The following ARHGAP6 variants were observed in gnomAD, a reference collection of about 807,000 sequenced individuals.
ARHGAP6 encodes rho GTPase-activating protein 6.
In ARHGAP6, 16 loss-of-function variants were observed where a neutral mutation model predicts 55.7. That is an observed-to-expected ratio of 0.29 (90% CI 0.19 to 0.44). The LOEUF is 0.44. Among genes scored for constraint, ARHGAP6 ranks in the 20% least tolerant of loss-of-function variants. The pLI is 1.00. For missense variants in ARHGAP6, 698 were observed against 808.9 expected, an observed-to-expected ratio of 0.86 and a Z score of 1.66; for synonymous variants, 382 against 360.9, an observed-to-expected ratio of 1.06 and a Z score of -0.66.
intron 1 of ARHGAP6, among the ~76,000 whole-genome samples, chrX:11,354,840 A>T (rs1473879960): frequency 8.9e-6 from 1 of 111,784 alleles, no homozygotes; most frequent in African/African-American, 3.3e-5. Context: ...TCAGAAACTT[A>T]CATAAAAGCA....
At chrX:11,340,455 T>C (rs1396936482) in intron 1 of ARHGAP6, among the ~76,000 whole-genome samples, 2 of 111,811 alleles carry the variant, frequency 1.8e-5, no homozygotes, top group African/African-American at 3.3e-5. Flanking sequence ...TTCGGCCGGG[T>C]GCAGTGGCTC....
intron 1 of ARHGAP6, among the ~76,000 whole-genome samples, chrX:11,344,332 C>T (rs112028688): frequency 0.058 from 6,402 of 110,789 alleles, 209 homozygotes; most frequent in African/African-American, 0.12. Context: ...AACCACTGGT[C>T]GGTCCATTGG....
intron 1 of ARHGAP6, among the ~76,000 whole-genome samples, chrX:11,608,878 A>C (rs1018667903): frequency 2.7e-5 from 3 of 111,039 alleles, no homozygotes; most frequent in Non-Finnish European, 5.7e-5. Flanking sequence ...AATTAAACCT[A>C]TTTTTCTTCC....
chrX:11,662,008 T>C (rs2052708245), intron 1 of ARHGAP6, among the ~76,000 whole-genome samples: 2 of 111,994 alleles, frequency 1.8e-5, no homozygotes, highest in Admixed American at 1.9e-4. Flanking sequence ...CAAATGTCAA[T>C]AGTGCCAAGG....
At chrX:11,562,775 A>G (rs751741964) in intron 1 of ARHGAP6, among the ~76,000 whole-genome samples, 4 of 111,800 alleles carry the variant, frequency 3.6e-5, no homozygotes, top group Non-Finnish European at 5.6e-5. Context: ...TCTGGCTCCC[A>G]CCTTTGAAAC....
chrX:11,211,651 CT>C (rs2046803954), intron 2 of ARHGAP6, among the ~76,000 whole-genome samples: 1 of 111,065 alleles, frequency 9.0e-6, no homozygotes, highest in Non-Finnish European at 1.9e-5. Flanking sequence ...TCAAGCTATT[CT>C]TCTGCCTCAG....
intron 1 of ARHGAP6, among the ~76,000 whole-genome samples, chrX:11,360,233 T>A (rs1233892376): frequency 8.9e-6 from 1 of 111,989 alleles, no homozygotes; most frequent in Non-Finnish European, 1.9e-5. Flanking sequence ...ATATCCCTGA[T>A]GAACATTGAT....
At chrX:11,588,221 A>G (rs1254424798) in intron 1 of ARHGAP6, among the ~76,000 whole-genome samples, 2 of 111,808 alleles carry the variant, frequency 1.8e-5, no homozygotes, top group Non-Finnish European at 3.8e-5. Flanking sequence ...GAAAAGTAAT[A>G]CAGGTTTATC....
At chrX:11,507,589 G>A (rs1487358550) in intron 1 of ARHGAP6, among the ~76,000 whole-genome samples, 2 of 112,075 alleles carry the variant, frequency 1.8e-5, no homozygotes. Context: ...CTATTTTGTA[G>A]AAAGAAACTG....
chrX:11,233,150 C>T (rs138522366), intron 2 of ARHGAP6, among the ~76,000 whole-genome samples: 2 of 112,537 alleles, frequency 1.8e-5, no homozygotes, highest in East Asian at 2.8e-4. Context: ...ATTAACCAGA[C>T]ATTTTTTGTT....
intron 2 of ARHGAP6, among the ~76,000 whole-genome samples, chrX:11,205,110 G>C (rs2046686843): frequency 9.0e-6 from 1 of 111,730 alleles, no homozygotes; most frequent in Non-Finnish European, 1.9e-5. Context: ...TTGACACCCA[G>C]TGTTTTGATG....
In ARHGAP6 at chrX:11,507,719, G is replaced by C. The variant is rs181121300; in HGVS notation, c.588+156522C>G. Among the ~76,000 whole-genome samples the C allele has an allele frequency of 1.3e-4, 14 of 111,595 alleles. No homozygotes were observed. The Admixed American group carries it at 1.3e-3, about 11-fold the overall frequency. The stretch of plus-strand genomic sequence containing the variant: ...ACAGAGGCAATTGTGCCCCCAGGCA[G>C]ACATGTGTATTTAAATATGAGAATA... On this transcript the variant is annotated intron_variant, in intron 1 of 12. Coordinates refer to ENST00000337414, the MANE Select transcript of ARHGAP6 (RefSeq NM_013427.3).
At chrX:11,379,124 C>T (rs919002904) in intron 1 of ARHGAP6, among the ~76,000 whole-genome samples, 14 of 112,141 alleles carry the variant, frequency 1.2e-4, no homozygotes, top group African/African-American at 3.6e-4. Flanking sequence ...TGCAGCTCTA[C>T]GCCACATGTC....
chrX:11,312,251 A>G (rs980632239), intron 1 of ARHGAP6, among the ~76,000 whole-genome samples: 2 of 112,172 alleles, frequency 1.8e-5, no homozygotes, highest in African/African-American at 3.2e-5. Flanking sequence ...AGAGTCAGAA[A>G]TGTTAATGCA....
intron 1 of ARHGAP6, among the ~76,000 whole-genome samples, chrX:11,559,886 C>A (rs989918978): frequency 8.4e-5 from 9 of 107,231 alleles, no homozygotes; most frequent in African/African-American, 3.1e-4. Context: ...CGAGATCGCG[C>A]CACTGCACTC....
In ARHGAP6 at chrX:11,307,676, A is replaced by G. The variant is rs762617278; in HGVS notation, c.589-52969T>C. On this transcript the variant is annotated intron_variant, in intron 1 of 12. Transcript: ENST00000337414. Reference sequence around the variant, plus strand: ...TCTGTTTCTTTTGAGACAATTCTCAATTTTTAAAGTACTTATTAAACATTG... The same window carrying G: ...TCTGTTTCTTTTGAGACAATTCTCAGTTTTTAAAGTACTTATTAAACATTG... Among the ~76,000 whole-genome samples, 8 of 112,622 alleles carry G rather than the reference A, an allele frequency of 7.1e-5. No homozygotes were observed. In the South Asian group the frequency reaches 3.0e-3, roughly 42 times the overall value.
Position 11,545,999 on chromosome X carries a change from T to TGA in ARHGAP6, c.588+118241_588+118242insTC, listed in dbSNP as rs1401247535. On this transcript the variant is annotated intron_variant, in intron 1 of 12. Transcript: ENST00000337414. ...CCTGCAATTGACCTTCTGTTTTTAT[T>TGA]CCTTTTTGAAGTCCTGCCTTCAAAA... Among the ~76,000 whole-genome samples the TGA allele has an allele frequency of 8.1e-5, 9 of 110,961 alleles. No individual in the cohort carries two copies. The East Asian group carries it at 2.2e-3, about 28-fold the overall frequency.
At chrX:11,635,605 G>A (rs12397281) in intron 1 of ARHGAP6, among the ~76,000 whole-genome samples, 1 of 110,646 alleles carries the variant, frequency 9.0e-6, no homozygotes, top group African/African-American at 3.3e-5. Flanking sequence ...TTCAAACATC[G>A]GGTGACTAAA....
intron 1 of ARHGAP6, among the ~76,000 whole-genome samples, chrX:11,568,498 G>A (rs188124146): frequency 5.3e-4 from 60 of 112,239 alleles, no homozygotes; most frequent in Non-Finnish European, 9.8e-4. Flanking sequence ...CTGGCCAAAC[G>A]CAGTGGCTCA....
Sources: gnomAD v4.1 joint callset for allele counts (sites outside exome capture counted in the v4.1 genomes callset) on GRCh38, gnomAD v4.1.1 for gene constraint, MANE v1.5 for transcripts, NCBI Gene and HGNC (gene_info 2026-07-23, HGNC 2026-07-21) for gene names.